Variants in PPP1R21 observed in about 807,000 individuals in gnomAD.
PPP1R21 encodes the protein protein phosphatase 1 regulatory subunit 21.
In PPP1R21, 85 loss-of-function variants were observed where a neutral mutation model predicts 112.8. The ratio of observed to expected loss-of-function variants is 0.75; its 90% CI spans 0.63 to 0.90. The LOEUF (loss-of-function observed/expected upper bound fraction) is 0.90. Among genes scored for constraint, PPP1R21 ranks in the 40% least tolerant of loss-of-function variants. The probability of loss-of-function intolerance (pLI) is 0.00; values close to 1 mark genes in which losing one functional copy is unlikely to be tolerated. For missense variants in PPP1R21, 1,199 were observed against 901.5 expected (o/e 1.33, Z -4.23); for synonymous variants, 381 against 322.3 (o/e 1.18, Z -1.95).
At chr2:48,495,330 A>T (rs754579664) in intron 15 of PPP1R21, among the ~76,000 whole-genome samples, 1 of 151,902 alleles carries the variant, frequency 6.6e-6, no homozygotes, top group Non-Finnish European at 1.5e-5. Flanking sequence ...CAGCTTCCCT[A>T]GTAGCTGGGA....
rs958038338 is a variant in PPP1R21 at position 48,491,041 on chromosome 2, T to C, written c.1470T>C (p.Asn490=). ...AGKIASFFSN[N]LDYFIASLSY... The stretch of plus-strand genomic sequence containing the variant: ...AGATTGCATCCTTCTTCAGCAACAA[T>C]TTGGACTACTTCATTGCTTCACTGA... The change falls in exon 15 of 22, where the codon AAT becomes AAC. Residue 490 remains asparagine, a synonymous_variant. Coordinates refer to ENST00000294952, the MANE Select transcript of PPP1R21 (RefSeq NM_001135629.3). 2 of 1,614,006 alleles carry C rather than the reference T, an allele frequency of 1.2e-6. No homozygotes were observed. Among genetic ancestry groups the C allele is most frequent in the Non-Finnish European group, 1.7e-6 (2 of 1,179,966 alleles).
At chr2:48,449,158 A>C (rs1667373734) in intron 1 of PPP1R21, among the ~76,000 whole-genome samples, 3 of 152,218 alleles carry the variant, frequency 2.0e-5, no homozygotes, top group Non-Finnish European at 4.4e-5. Flanking sequence ...ATCAAGGTGT[A>C]CAATGCCTTA....
At chr2:48,504,000 T>C (rs570317887) in intron 17 of PPP1R21, among the ~76,000 whole-genome samples, 2 of 152,082 alleles carry the variant, frequency 1.3e-5, no homozygotes, top group South Asian at 2.1e-4. Flanking sequence ...TACCATTCCT[T>C]TGAAGGACTT....
intron 13 of PPP1R21, among the ~76,000 whole-genome samples, chr2:48,480,600 G>A (rs77894042): frequency 0.015 from 2,354 of 152,228 alleles, 44 homozygotes; most frequent in African/African-American, 0.046. Context: ...GCTTCTTAGC[G>A]TGTGATTCTG....
At chr2:48,478,377 C>CT (rs1668850595) in intron 12 of PPP1R21, among the ~76,000 whole-genome samples, 2 of 152,274 alleles carry the variant, frequency 1.3e-5, no homozygotes, top group African/African-American at 4.8e-5. Context: ...TTAAACACAT[C>CT]TTCTAGTTTT....
At chr2:48,494,335 A>AG (rs1411210998) in intron 15 of PPP1R21, among the ~76,000 whole-genome samples, 1 of 150,680 alleles carries the variant, frequency 6.6e-6, no homozygotes, top group Non-Finnish European at 1.5e-5. Flanking sequence ...AGCTTAGCCT[A>AG]GCCTGCCTTA....
intron 12 of PPP1R21, chr2:48,479,612 T>A (rs1668914379): frequency 7.2e-6 from 4 of 551,760 alleles, no homozygotes; most frequent in Admixed American, 2.2e-5. Flanking sequence ...AAAAATGCAT[T>A]ATATAATAAC....
At chr2:48,494,735 A>G (rs1262309195) in intron 15 of PPP1R21, among the ~76,000 whole-genome samples, 1 of 130,662 alleles carries the variant, frequency 7.7e-6, no homozygotes, top group Non-Finnish European at 1.6e-5. Context: ...TATTTTTGAG[A>G]TGGAGTCTTA....
At chr2:48,472,740 G>A (rs1668577090) in intron 11 of PPP1R21, among the ~76,000 whole-genome samples, 1 of 152,084 alleles carries the variant, frequency 6.6e-6, no homozygotes, top group African/African-American at 2.4e-5. Context: ...CTTGAGGCCA[G>A]GAATTCGAGA....
At chr2:48,477,937 A>C (rs1399539243) in intron 12 of PPP1R21, among the ~76,000 whole-genome samples, 1 of 152,226 alleles carries the variant, frequency 6.6e-6, no homozygotes, top group East Asian at 1.9e-4. Flanking sequence ...AGATGAGGTC[A>C]TACTGGATTA....
At chr2:48,452,208 ATAC>A (rs1331434273) in intron 2 of PPP1R21, among the ~76,000 whole-genome samples, 1 of 152,218 alleles carries the variant, frequency 6.6e-6, no homozygotes, top group Non-Finnish European at 1.5e-5. Context: ...CTGGTGTTTC[ATAC>A]CCTCCTGTTG....
At chr2:48,472,455 G>A (rs571843966) in intron 11 of PPP1R21, among the ~76,000 whole-genome samples, 1 of 150,078 alleles carries the variant, frequency 6.7e-6, no homozygotes. Flanking sequence ...GCAAAACCCT[G>A]TTTCTACTAA....
rs1235556327 is a variant in PPP1R21 at position 48,511,384 on chromosome 2, T to C, written c.2229T>C (p.Ser743=). ...TTKRSYEDQL[S]MMSDHLCSMN... is the part of the protein sequence containing the mutation. ...AGAGGAGTTACGAGGATCAGTTAAG[T>C]ATGATGAGTGACCACCTGTGCAGCA... The change falls in exon 21 of 22, where the codon AGT becomes AGC. Residue 743 remains serine, a synonymous_variant. Coordinates refer to ENST00000294952, the MANE Select transcript of PPP1R21 (RefSeq NM_001135629.3). 1 of 1,614,110 alleles carries C rather than the reference T, an allele frequency of 6.2e-7. No homozygotes were observed. Among genetic ancestry groups the C allele is most frequent in the Admixed American group, 1.7e-5 (1 of 60,012 alleles).
chr2:48,506,917 G>T (rs946300128), intron 18 of PPP1R21, among the ~76,000 whole-genome samples: 3 of 144,440 alleles, frequency 2.1e-5, no homozygotes, highest in Admixed American at 7.1e-5. Context: ...CTGCACTCCA[G>T]CCTGGTGACG....
intron 11 of PPP1R21, among the ~76,000 whole-genome samples, chr2:48,472,239 C>CAAAAAAAAAA (rs57711610): frequency 2.3e-4 from 10 of 43,038 alleles, no homozygotes; most frequent in African/African-American, 2.9e-4. Context: ...GACTCCATCT[C>CAAAAAAAAAA]AAAAAAAAAA....
Position 48,507,299 on chromosome 2 carries a change from AT to A in PPP1R21, c.2001del (p.Asn669IlefsTer7). On this transcript the variant is annotated frameshift_variant, in exon 19 of 22. Transcript: ENST00000294952. LOFTEE classifies it high-confidence loss of function. The stretch of plus-strand genomic sequence containing the variant: ...AGATGTGGAATCTCGTGAAGACTTA[AT>A]TAAAAATCACTACATGGCAAGGATA... Reference protein sequence around the residue: ...VPDVESREDLIKNHYMARIVE... With the variant: ...VPDVESREDLXKNHYMARIVE... 1 of 1,576,760 alleles carries A rather than the reference AT, an allele frequency of 6.3e-7. No individual in the cohort carries two copies. Among genetic ancestry groups the A allele is most frequent in the Non-Finnish European group, 8.6e-7 (1 of 1,166,940 alleles).
At chr2:48,505,215 C>G (rs1381640181) in intron 17 of PPP1R21, among the ~76,000 whole-genome samples, 3 of 152,136 alleles carry the variant, frequency 2.0e-5, no homozygotes, top group Non-Finnish European at 4.4e-5. Context: ...CGTCTTTACC[C>G]CTTCTTGGCT....
intron 12 of PPP1R21, among the ~76,000 whole-genome samples, chr2:48,475,640 A>C (rs1668719005): frequency 6.6e-6 from 1 of 151,978 alleles, no homozygotes. Flanking sequence ...CTGAGGTTGG[A>C]AGTTCGAGAC....
intron 16 of PPP1R21, 111 bp from the exon 17 acceptor site, chr2:48,498,382 T>C (rs1558510461): frequency 4.1e-6 from 4 of 983,926 alleles, no homozygotes; most frequent in East Asian, 5.1e-5. Flanking sequence ...TTTATTATTA[T>C]ATTTTTACCT....
Sources: gnomAD v4.1 joint callset for allele counts (sites outside exome capture counted in the v4.1 genomes callset) on GRCh38, gnomAD v4.1.1 for gene constraint, MANE v1.5 for transcripts, NCBI Gene and HGNC (gene_info 2026-07-23, HGNC 2026-07-21) for gene names.